Variants in CACNG1 observed in about 807,000 individuals in gnomAD.
CACNG1 encodes calcium voltage-gated channel auxiliary subunit gamma 1, also known as voltage-dependent calcium channel gamma-1 subunit.
A neutral mutation model predicts 22.0 loss-of-function variants in CACNG1; 21 were observed. The observed-to-expected ratio is 0.95, with a 90% confidence interval of 0.68 to 1.37. The LOEUF (loss-of-function observed/expected upper bound fraction) is 1.37, where lower values mean the gene tolerates loss of function less well. CACNG1 is among the 40% of genes most tolerant of loss of function. CACNG1 has a pLI of 0.00. For missense variants in CACNG1, 291 were observed against 308.6 expected (o/e 0.94, Z 0.43); for synonymous variants, 127 against 129.2 (o/e 0.98, Z 0.12).
chr17:67,055,986 G>A lies in CACNG1; in HGVS notation c.443-59G>A. On this transcript the variant is annotated intron_variant, in intron 3 of 3. Transcript: ENST00000226021. This position sits in a 1 kb window ranked among gnomAD's most constrained non-coding sequence, Gnocchi z 4.5. ...TCCTCCATGCACACAGGCTGGGATG[G>A]GGCTGGTGGCTACGGCAGACGCCCC... 7.1e-7 allele frequency: 1 copy of A among 1,407,596 alleles called. No individual in the cohort carries two copies. The highest frequency in any genetic ancestry group is 9.9e-7 in the Non-Finnish European group (1 of 1,008,782). 87.2% of individuals were successfully genotyped at this position (1,407,596 alleles called of 1,614,324 possible).
chr17:67,049,718 C>T (rs2035717632), intron 1 of CACNG1, among the ~76,000 whole-genome samples: 3 of 152,120 alleles, frequency 2.0e-5, no homozygotes, highest in Non-Finnish European at 4.4e-5. Context: ...CTTCTCACAC[C>T]CTCTATTGTG....
At chr17:67,052,521 G>A (rs16960501) in intron 1 of CACNG1, among the ~76,000 whole-genome samples, 17,533 of 152,182 alleles carry the variant, frequency 0.12, 1,320 homozygotes, top group Admixed American at 0.18. Context: ...GGCATCAACC[G>A]CCTTATGAGC....
intron 1 of CACNG1, among the ~76,000 whole-genome samples, chr17:67,051,687 G>T (rs937298157): frequency 5.3e-5 from 8 of 152,222 alleles, no homozygotes; most frequent in Non-Finnish European, 1.0e-4. Context: ...CCCCCCAGAA[G>T]CTCACAACCT....
intron 1 of CACNG1, among the ~76,000 whole-genome samples, chr17:67,049,597 T>G (rs1179530771): frequency 6.6e-6 from 1 of 151,572 alleles, no homozygotes; most frequent in Admixed American, 6.6e-5. Flanking sequence ...TGGGTCTCAT[T>G]CTACAGGTAG....
Position 67,055,064 on chromosome 17 carries a change from A to G in CACNG1, c.305-39A>G, listed in dbSNP as rs2363844. On this transcript the variant is annotated intron_variant, in intron 2 of 3. Coordinates refer to ENST00000226021, the MANE Select transcript of CACNG1 (RefSeq NM_000727.4). This position sits in a 1 kb window ranked among gnomAD's most constrained non-coding sequence, Gnocchi z 4.5. ...CTAACGAGCCATGACAAGAGCTCCC[A>G]TGCTGAGGCCGCATGCTGGGTGTCC... 0.59 allele frequency: 935,213 copies of G among 1,593,394 alleles called. 279,847 individuals are homozygous for G. The highest frequency in any genetic ancestry group is 0.83 in the East Asian group (37,012 of 44,520).
Position 67,054,215 on chromosome 17 carries a change from T to A in CACNG1, c.304+145T>A, listed in dbSNP as rs1278110043. 2.9e-6 allele frequency: 2 copies of A among 679,370 alleles called. No homozygotes were observed. The highest frequency in any genetic ancestry group is 5.2e-6 in the Non-Finnish European group (2 of 387,692). The allele number at this position is 679,370 out of a possible 1,614,324, so 42.1% of individuals were successfully genotyped here. ...GTGGTGCATTTGAACAACAGCCTTGTCAGCTCCCCGCTCCGGAGGCCCCAG... is the reference window on the plus strand; with the variant it reads ...GTGGTGCATTTGAACAACAGCCTTGACAGCTCCCCGCTCCGGAGGCCCCAG... On this transcript the variant is annotated intron_variant, in intron 2 of 3. Coordinates refer to ENST00000226021, the MANE Select transcript of CACNG1 (RefSeq NM_000727.4). This position sits in a 1 kb window ranked among gnomAD's most constrained non-coding sequence, Gnocchi z 4.6.
chr17:67,050,287 G>GGCCT (rs1454595113), intron 1 of CACNG1, among the ~76,000 whole-genome samples: 1 of 152,214 alleles, frequency 6.6e-6, no homozygotes, highest in Admixed American at 6.5e-5. Context: ...CCATGCCAGA[G>GGCCT]GCCTAGGCCA....
rs768893975 is a variant in CACNG1 at position 67,044,623 on chromosome 17, C to T, written c.-38C>T. ...CACCTGCCCTAGGAGACGCAGCCGC[C>T]GGACCCTGCCCAGGGCACCCACGCC... On this transcript the variant is annotated 5_prime_UTR_variant, in exon 1 of 4. Transcript: ENST00000226021. This position sits in a 1 kb window ranked among gnomAD's most constrained non-coding sequence, Gnocchi z 6.9. 45 of 1,447,462 alleles carry T rather than the reference C, an allele frequency of 3.1e-5. No homozygotes were observed. The highest frequency in any genetic ancestry group is 8.4e-5 in the Admixed American group (5 of 59,508). The allele number at this position is 1,447,462 out of a possible 1,614,324, so 89.7% of individuals were successfully genotyped here.
intron 1 of CACNG1, among the ~76,000 whole-genome samples, chr17:67,050,650 C>T (rs2035722823): frequency 1.3e-5 from 2 of 152,224 alleles, no homozygotes; most frequent in South Asian, 4.1e-4. Context: ...GCTGTTCCAA[C>T]TATCAAAGAA....
At position 67,055,509 on chromosome 17, in the gene CACNG1, A is replaced by T. The variant is rs535615529; in HGVS notation, c.442+269A>T. Among the ~76,000 whole-genome samples the T allele has an allele frequency of 5.9e-5, 9 of 152,242 alleles. No individual in the cohort carries two copies. The highest frequency in any genetic ancestry group is 1.3e-4 in the Non-Finnish European group (9 of 68,012). On this transcript the variant is annotated intron_variant, in intron 3 of 3. Coordinates refer to ENST00000226021, the MANE Select transcript of CACNG1 (RefSeq NM_000727.4). The surrounding 1 kb of genome is among the most constrained non-coding windows in gnomAD (Gnocchi z 4.5). ...GAATGATTAACAAAAGAAGGAAAGA[A>T]ACGTGGTCACCTTTCTTTCTTTTTC...
In CACNG1 at chr17:67,054,145, A is replaced by T; in HGVS notation, c.304+75A>T. 1 of 1,216,506 alleles carries T rather than the reference A, an allele frequency of 8.2e-7. No homozygotes were observed. The highest frequency in any genetic ancestry group is 1.2e-6 in the Non-Finnish European group (1 of 818,820). 75.4% of individuals were successfully genotyped at this position (1,216,506 alleles called of 1,614,324 possible). On this transcript the variant is annotated intron_variant, in intron 2 of 3. Transcript: ENST00000226021. This position sits in a 1 kb window ranked among gnomAD's most constrained non-coding sequence, Gnocchi z 4.6. ...TTGTGCACCACTGGGCCAGAAAGTCATTGGCAAAAGCACTGACTTCCTCAC... is the reference window on the plus strand; with the variant it reads ...TTGTGCACCACTGGGCCAGAAAGTCTTTGGCAAAAGCACTGACTTCCTCAC...
chr17:67,045,121 G>A (rs1260030747), intron 1 of CACNG1, among the ~76,000 whole-genome samples: 1 of 152,206 alleles, frequency 6.6e-6, no homozygotes, highest in African/African-American at 2.4e-5. Flanking sequence ...CTGGACCTTG[G>A]GGCTTTTTGC....
At position 67,044,885 on chromosome 17, in the gene CACNG1, C is replaced by T. The variant is rs573783922; in HGVS notation, c.225C>T (p.Pro75=). ...DSKTCGPITL[P]GEKNCSYFRH... ...AGACCTGCGGGCCCATCACCCTGCCCGGGGGTAACGTACCCACCCTCCGTC... is the reference window on the plus strand; with the variant it reads ...AGACCTGCGGGCCCATCACCCTGCCTGGGGGTAACGTACCCACCCTCCGTC... Residue 75 remains proline, a synonymous_variant, in exon 1 of 4, where the codon CCC becomes CCT. Coordinates refer to ENST00000226021, the MANE Select transcript of CACNG1 (RefSeq NM_000727.4). This position sits in a 1 kb window ranked among gnomAD's most constrained non-coding sequence, Gnocchi z 6.9. 1.1e-4 allele frequency: 185 copies of T among 1,611,050 alleles called. 1 individual carries two copies. In the South Asian group the frequency reaches 1.5e-3, roughly 13 times the overall value.
In CACNG1 at chr17:67,054,309, G is replaced by A. The variant is rs563626179; in HGVS notation, c.304+239G>A. 1.7e-4 allele frequency among the ~76,000 whole-genome samples: 26 copies of A among 152,198 alleles called. No individual in the cohort carries two copies. Among genetic ancestry groups the A allele is most frequent in the Non-Finnish European group, 3.4e-4 (23 of 68,034 alleles). On this transcript the variant is annotated intron_variant, in intron 2 of 3. Coordinates refer to ENST00000226021, the MANE Select transcript of CACNG1 (RefSeq NM_000727.4). The surrounding 1 kb of genome is among the most constrained non-coding windows in gnomAD (Gnocchi z 4.6). Reference sequence around the variant, plus strand: ...GGGCCAGGGAGCGTTTGCAGAAGCAGCACCTCCTGGTAGGCCCCTACACAA... The same window carrying A: ...GGGCCAGGGAGCGTTTGCAGAAGCAACACCTCCTGGTAGGCCCCTACACAA...
intron 1 of CACNG1, among the ~76,000 whole-genome samples, chr17:67,051,163 G>A (rs146978765): frequency 2.0e-5 from 3 of 152,286 alleles, no homozygotes; most frequent in East Asian, 1.9e-4. Flanking sequence ...GGTCCACCTC[G>A]GATGTCCTTC....
In CACNG1 at chr17:67,055,083, G is replaced by T. The variant is rs770225370; in HGVS notation, c.305-20G>T. ...GCTCCCATGCTGAGGCCGCATGCTGGGTGTCCCTTGTGTTTGCAGAGTACA... is the reference window on the plus strand; with the variant it reads ...GCTCCCATGCTGAGGCCGCATGCTGTGTGTCCCTTGTGTTTGCAGAGTACA... On this transcript the variant is annotated intron_variant, in intron 2 of 3. Transcript: ENST00000226021. The surrounding 1 kb of genome is among the most constrained non-coding windows in gnomAD (Gnocchi z 4.5). 1.8e-5 allele frequency: 29 copies of T among 1,608,288 alleles called. No homozygotes were observed. In the African/African-American group the frequency reaches 1.9e-4, roughly 10 times the overall value.
In CACNG1 at chr17:67,054,953, A is replaced by C; in HGVS notation, c.305-150A>C. 1 of 779,234 alleles carries C rather than the reference A, an allele frequency of 1.3e-6. No individual in the cohort carries two copies. Among genetic ancestry groups the C allele is most frequent in the East Asian group, 2.6e-5 (1 of 38,332 alleles). The allele number at this position is 779,234 out of a possible 1,614,324, so 48.3% of individuals were successfully genotyped here. A position where few individuals can be genotyped will look rare whatever the true frequency, so the allele number is the denominator to read the frequency against. ...GATACACACATACAATGACACACAC[A>C]AGACAGACACAGAGACACACACTTG... On this transcript the variant is annotated intron_variant, in intron 2 of 3. Transcript: ENST00000226021. This position sits in a 1 kb window ranked among gnomAD's most constrained non-coding sequence, Gnocchi z 4.6.
chr17:67,056,285 C>T lies in CACNG1; in HGVS notation c.*14C>T. 1 of 1,610,586 alleles carries T rather than the reference C, an allele frequency of 6.2e-7. No homozygotes were observed. Among genetic ancestry groups the T allele is most frequent in the South Asian group, 1.1e-5 (1 of 90,998 alleles). On this transcript the variant is annotated 3_prime_UTR_variant, in exon 4 of 4. Transcript: ENST00000226021. The surrounding 1 kb of genome is among the most constrained non-coding windows in gnomAD (Gnocchi z 4.3). The stretch of plus-strand genomic sequence containing the variant: ...CCCGAGCACTAACCCTCCTGCGGCC[C>T]TAGCGACCCTCAGGCTTCTTCCCCA...
chr17:67,049,461 T>C (rs1181584502), intron 1 of CACNG1, among the ~76,000 whole-genome samples: 1 of 152,248 alleles, frequency 6.6e-6, no homozygotes, highest in Non-Finnish European at 1.5e-5. Flanking sequence ...TTAACTACTT[T>C]ACAACAACCC....
Sources: allele counts gnomAD v4.1 joint callset (sites outside exome capture counted in the v4.1 genomes callset), GRCh38; gene constraint gnomAD v4.1.1; non-coding constraint Gnocchi (gnomAD v3.1); transcripts MANE v1.5; gene names NCBI Gene and HGNC (gene_info 2026-07-23, HGNC 2026-07-21).